Variants in ARHGAP26 observed in about 807,000 individuals in gnomAD.
ARHGAP26 encodes the protein Rho GTPase activating protein 26, also known as rho GTPase-activating protein 26.
Under a neutral mutation model 104.8 loss-of-function variants are expected in ARHGAP26, and 38 were observed. That is an observed-to-expected ratio of 0.36 (90% CI 0.28 to 0.48). The LOEUF is 0.48. ARHGAP26 is among the 20% of genes least tolerant of loss of function. The pLI, the probability that ARHGAP26 is intolerant of heterozygous loss-of-function variation, is 0.99. For synonymous variants in ARHGAP26, 341 were observed against 340.0 expected, an observed-to-expected ratio of 1.00 and a Z score of -0.03; for missense variants, 704 against 947.9, an observed-to-expected ratio of 0.74 and a Z score of 3.38.
chr5:143,173,147 T>A (rs1255179613), intron 20 of ARHGAP26: 1 of 167,448 alleles, frequency 6.0e-6, no homozygotes, highest in Non-Finnish European at 1.3e-5. Context: ...CCCTCTGGGC[T>A]GCATCTTGGT....
intron 12 of ARHGAP26, among the ~76,000 whole-genome samples, chr5:143,026,954 A>G (rs1013598403): frequency 3.3e-4 from 50 of 152,264 alleles, no homozygotes; most frequent in Middle Eastern, 3.4e-3. Flanking sequence ...TATTAGTGAC[A>G]GGATTGGTTA....
Position 143,147,222 on chromosome 5 carries a change from C to T in ARHGAP26, c.1838-9C>T, listed in dbSNP as rs771492150. 1.1e-5 allele frequency: 17 copies of T among 1,611,176 alleles called. No homozygotes were observed. The highest frequency in any genetic ancestry group is 4.4e-5 in the South Asian group (4 of 90,622). ...TATTAATATGGGACTTGTGGCTTTT[C>T]CCCCCCAGAGGAACAAAGGAACAGC... is the stretch of plus-strand genomic sequence containing the variant. On this transcript the variant is annotated splice_polypyrimidine_tract_variant and intron_variant, in intron 19 of 22. Coordinates refer to ENST00000645722, the MANE Select transcript of ARHGAP26 (RefSeq NM_001135608.3).
chr5:143,106,211 C>G (rs948688757), intron 17 of ARHGAP26, among the ~76,000 whole-genome samples: 1 of 152,102 alleles, frequency 6.6e-6, no homozygotes, highest in African/African-American at 2.4e-5. Flanking sequence ...TGGAAGATGG[C>G]CTTCTGTATG....
intron 12 of ARHGAP26, among the ~76,000 whole-genome samples, chr5:143,021,689 G>T (rs1283416446): frequency 1.3e-5 from 2 of 152,190 alleles, no homozygotes; most frequent in East Asian, 3.8e-4. Flanking sequence ...TAAACTCATT[G>T]TAAGAATGAA....
intron 10 of ARHGAP26, among the ~76,000 whole-genome samples, chr5:142,930,158 G>C (rs1056358140): frequency 6.6e-6 from 1 of 152,216 alleles, no homozygotes; most frequent in South Asian, 2.1e-4. Flanking sequence ...CAAAACCGGG[G>C]ACTTGAGAGT....
At chr5:142,907,573 A>G in intron 8 of ARHGAP26, 131 bp from the exon 9 acceptor site, 1 of 465,618 alleles carries the variant, frequency 2.1e-6, no homozygotes, top group East Asian at 3.4e-5. Flanking sequence ...TGTGGAGAAT[A>G]TATTACTTCT....
chr5:143,134,539 T>C (rs1797710957), intron 19 of ARHGAP26, among the ~76,000 whole-genome samples: 1 of 152,214 alleles, frequency 6.6e-6, no homozygotes, highest in African/African-American at 2.4e-5. Flanking sequence ...GGTGGGACCT[T>C]GTACGGCTTG....
chr5:142,964,083 G>T (rs1770852579), intron 11 of ARHGAP26, among the ~76,000 whole-genome samples: 1 of 152,126 alleles, frequency 6.6e-6, no homozygotes, highest in South Asian at 2.1e-4. Context: ...GTTTTGTTTT[G>T]ACTGACAGAA....
At chr5:142,956,091 G>C (rs1436566703) in intron 11 of ARHGAP26, among the ~76,000 whole-genome samples, 1 of 152,150 alleles carries the variant, frequency 6.6e-6, no homozygotes, top group Non-Finnish European at 1.5e-5. Context: ...CATAATTGTG[G>C]GCCAAGGCAT....
intron 1 of ARHGAP26, chr5:142,869,052 C>T (rs531034106): frequency 5.8e-4 from 90 of 155,332 alleles, no homozygotes; most frequent in African/African-American, 1.1e-3. Flanking sequence ...GAGTAACTGG[C>T]GTCCAGGAAA....
intron 1 of ARHGAP26, among the ~76,000 whole-genome samples, chr5:142,774,261 T>C (rs989103762): frequency 3.3e-5 from 5 of 152,324 alleles, no homozygotes; most frequent in African/African-American, 1.2e-4. Context: ...CAAATTTTTA[T>C]AGTTTTTATA....
intron 1 of ARHGAP26, among the ~76,000 whole-genome samples, chr5:142,794,797 C>T (rs534264782): frequency 8.5e-5 from 13 of 152,230 alleles, no homozygotes; most frequent in Admixed American, 2.0e-4. Context: ...TGTAATACCC[C>T]GGCCAATGAT....
At chr5:143,122,932 C>T (rs1398078682) in intron 18 of ARHGAP26, among the ~76,000 whole-genome samples, 1 of 152,218 alleles carries the variant, frequency 6.6e-6, no homozygotes, top group Non-Finnish European at 1.5e-5. Flanking sequence ...ACACATAGGA[C>T]TTCACAAATT....
chr5:142,999,012 T>C (rs1468652553), intron 11 of ARHGAP26, among the ~76,000 whole-genome samples: 1 of 152,140 alleles, frequency 6.6e-6, no homozygotes, highest in African/African-American at 2.4e-5. Flanking sequence ...TTAAAGTGCA[T>C]AGAGAGCCCT....
intron 20 of ARHGAP26, chr5:143,202,260 C>G (rs898152318): frequency 2.0e-5 from 3 of 151,482 alleles, no homozygotes; most frequent in African/African-American, 7.3e-5. Context: ...ATTGCAACCC[C>G]TGCTTTTTTT....
intron 20 of ARHGAP26, among the ~76,000 whole-genome samples, chr5:143,149,133 C>A (rs892271150): frequency 1.3e-5 from 2 of 152,122 alleles, no homozygotes; most frequent in Non-Finnish European, 2.9e-5. Context: ...GGGAATCGCT[C>A]TGCCCACTTC....
intron 18 of ARHGAP26, 132 bp downstream of exon 18, chr5:143,121,279 G>T (rs893237647): frequency 7.4e-6 from 7 of 951,168 alleles, no homozygotes; most frequent in Non-Finnish European, 1.5e-6. Flanking sequence ...AGTTGCTGGT[G>T]GTGGTAGTGA....
intron 11 of ARHGAP26, among the ~76,000 whole-genome samples, chr5:143,008,065 A>C (rs1176667359): frequency 6.6e-6 from 1 of 152,236 alleles, no homozygotes; most frequent in Admixed American, 6.5e-5. Context: ...TGGGAAGAGA[A>C]GGAAGGAGGA....
At chr5:143,117,500 C>T (rs1443965204) in intron 17 of ARHGAP26, among the ~76,000 whole-genome samples, 3 of 151,878 alleles carry the variant, frequency 2.0e-5, no homozygotes, top group Non-Finnish European at 2.9e-5. Flanking sequence ...TTCAGTGTGC[C>T]GAAAGATAAT....
Sources: allele counts gnomAD v4.1 joint callset (sites outside exome capture counted in the v4.1 genomes callset), GRCh38; gene constraint gnomAD v4.1.1; transcripts MANE v1.5; gene names NCBI Gene and HGNC (gene_info 2026-07-23, HGNC 2026-07-21).